Variants in STK24 observed in about 807,000 individuals in gnomAD.
STK24 encodes the protein serine/threonine-protein kinase 24.
A neutral mutation model predicts 55.6 loss-of-function variants in STK24; 21 were observed. The observed-to-expected ratio is 0.38, with a 90% CI of 0.27 to 0.54. The LOEUF is 0.54. STK24 is among the 20% of genes least tolerant of loss of function. STK24 has a pLI of 0.79. For missense variants in STK24, 383 were observed against 538.4 expected, an observed-to-expected ratio of 0.71 and a Z score of 2.86; for synonymous variants, 200 against 215.2, an observed-to-expected ratio of 0.93 and a Z score of 0.62.
chr13:98,473,414 T>C (rs1894234364), intron 5 of STK24, among the ~76,000 whole-genome samples: 1 of 150,562 alleles, frequency 6.6e-6, no homozygotes, highest in African/African-American at 2.5e-5. Flanking sequence ...GGTTCTAGTC[T>C]CAGCCTTGCC....
At chr13:98,456,249 TA>T in intron 10 of STK24, 1 of 337,884 alleles carries the variant, frequency 3.0e-6, no homozygotes, top group South Asian at 2.2e-5. Flanking sequence ...CACTTCCAAA[TA>T]GCAAAAGGGA....
At chr13:98,575,068 A>C (rs1447442176) in intron 1 of STK24, among the ~76,000 whole-genome samples, 1 of 152,136 alleles carries the variant, frequency 6.6e-6, no homozygotes, top group African/African-American at 2.4e-5. Context: ...TATTGATAAA[A>C]CTTTTTTTTT....
At chr13:98,482,624 A>G (rs1458493256) in intron 2 of STK24, among the ~76,000 whole-genome samples, 1 of 152,132 alleles carries the variant, frequency 6.6e-6, no homozygotes, top group Non-Finnish European at 1.5e-5. Flanking sequence ...GGGTGTTTCC[A>G]TTTTTAGGCC....
At chr13:98,495,115 A>G (rs1895198802) in intron 2 of STK24, among the ~76,000 whole-genome samples, 1 of 152,240 alleles carries the variant, frequency 6.6e-6, no homozygotes, top group African/African-American at 2.4e-5. Flanking sequence ...AAGATTCAAG[A>G]AAGGGGCCTG....
At chr13:98,476,220 C>CACT (rs1894364999) in intron 3 of STK24, among the ~76,000 whole-genome samples, 2 of 149,994 alleles carry the variant, frequency 1.3e-5, no homozygotes, top group Non-Finnish European at 2.9e-5. Flanking sequence ...AACAAAGGCT[C>CACT]ACTTCAAACC....
chr13:98,556,693 C>T (rs1897296047), intron 1 of STK24, among the ~76,000 whole-genome samples: 2 of 152,172 alleles, frequency 1.3e-5, no homozygotes, highest in African/African-American at 4.8e-5. Flanking sequence ...TGAAAGTCTG[C>T]TGGGTTTAAC....
In STK24 at chr13:98,447,055, T is replaced by C; in HGVS notation, c.*6118A>G. The C allele has an allele frequency of 1.4e-5, 7 of 488,850 alleles. No homozygotes were observed. Among genetic ancestry groups the C allele is most frequent in the South Asian group, 2.5e-5 (1 of 39,358 alleles). The allele number at this position is 488,850 out of a possible 1,614,324, so 30.3% of individuals were successfully genotyped here. ...GGTGTTGGCTGAGGCCCTAGACATC[T>C]TGCTTGGAGATCTCTGACATAACGT... On this transcript the variant is annotated 3_prime_UTR_variant, in exon 11 of 11. Coordinates refer to ENST00000539966, the MANE Select transcript of STK24 (RefSeq NM_001032296.4).
At chr13:98,567,953 TG>T in intron 1 of STK24, among the ~76,000 whole-genome samples, 2 of 75,404 alleles carry the variant, frequency 2.7e-5, no homozygotes, top group Admixed American at 1.4e-4. Context: ...AGGGGGGGGG[TG>T]GGGAGTAGAG....
chr13:98,509,060 A>G (rs191154335), intron 2 of STK24: 3 of 152,210 alleles, frequency 2.0e-5, no homozygotes, highest in East Asian at 3.8e-4. Context: ...ACAATACTTC[A>G]TAAGCCTAAT....
intron 1 of STK24, among the ~76,000 whole-genome samples, chr13:98,540,990 C>T (rs1896873486): frequency 6.6e-6 from 1 of 152,136 alleles, no homozygotes; most frequent in Non-Finnish European, 1.5e-5. Context: ...ACTCCCCAAA[C>T]CTCTGTGATT....
In STK24 at chr13:98,518,021, T is replaced by TA. The variant is rs754066159; in HGVS notation, c.273+1221dup. ...TGCAAATGAGAAAGTGGAGAAGTTA[T>TA]AAAAAATAATGAAAACTCACTCAAG... is the stretch of plus-strand genomic sequence containing the variant. On this transcript the variant is annotated intron_variant, in intron 2 of 10. Transcript: ENST00000539966. Among the ~76,000 whole-genome samples the TA allele has an allele frequency of 4.2e-4, 64 of 152,288 alleles. 1 individual carries two copies. Among genetic ancestry groups the TA allele is most frequent in the Middle Eastern group, 6.8e-3 (2 of 294 alleles).
At position 98,446,865 on chromosome 13, in the gene STK24, T is replaced by C. The variant is rs1341014435; in HGVS notation, c.*6308A>G. 6.3e-7 allele frequency: 1 copy of C among 1,595,600 alleles called. No homozygotes were observed. Among genetic ancestry groups the C allele is most frequent in the Admixed American group, 1.7e-5 (1 of 59,488 alleles). On this transcript the variant is annotated 3_prime_UTR_variant, in exon 11 of 11. Coordinates refer to ENST00000539966, the MANE Select transcript of STK24 (RefSeq NM_001032296.4). ...CAGGGCCCTGCAGAAGAGGACCCCC[T>C]CTTCCAAACATCAGGATTTCTCCCA...
At chr13:98,524,558 T>C (rs1288263718) in intron 1 of STK24, among the ~76,000 whole-genome samples, 1 of 152,210 alleles carries the variant, frequency 6.6e-6, no homozygotes, top group Non-Finnish European at 1.5e-5. Flanking sequence ...GCCACACGAA[T>C]GCACCTCAGC....
At chr13:98,519,496 AG>A (rs1325498454) in intron 1 of STK24, 23 bp from the exon 2 acceptor site, 1 of 1,600,920 alleles carries the variant, frequency 6.2e-7, no homozygotes. Flanking sequence ...GGAAGAGAAA[AG>A]GGAAACTTTA....
intron 1 of STK24, among the ~76,000 whole-genome samples, chr13:98,522,807 A>C (rs1167030576): frequency 2.0e-5 from 3 of 151,882 alleles, no homozygotes; most frequent in Non-Finnish European, 4.4e-5. Flanking sequence ...CAATAAGAAA[A>C]CCCCAGACTC....
chr13:98,448,059 T>C lies in STK24; in HGVS notation c.*5114A>G. 1 of 628,062 alleles carries C rather than the reference T, an allele frequency of 1.6e-6. No individual in the cohort carries two copies. The highest frequency in any genetic ancestry group is 1.9e-5 in the South Asian group (1 of 53,626). 38.9% of individuals were successfully genotyped at this position (628,062 alleles called of 1,614,324 possible). On this transcript the variant is annotated 3_prime_UTR_variant, in exon 11 of 11. Transcript: ENST00000539966. ...CTGAGTGAGTGCCCAGGCCAGTGGG[T>C]CTCCACTGTACCTCAGGAACGCCTG...
intron 5 of STK24, among the ~76,000 whole-genome samples, chr13:98,473,705 A>G (rs949383280): frequency 2.0e-5 from 3 of 152,190 alleles, no homozygotes; most frequent in African/African-American, 7.2e-5. Flanking sequence ...GAGGCTGTCA[A>G]GGCCATCATA....
chr13:98,520,574 G>A lies in STK24; in HGVS notation c.43-1101C>T, dbSNP rs182563409. Among the ~76,000 whole-genome samples the A allele has an allele frequency of 1.3e-3, 201 of 152,346 alleles. 2 individuals are homozygous for A. The highest frequency in any genetic ancestry group is 2.6e-3 in the Admixed American group (40 of 15,310). ...GAAAGAGAATGAGGAGAAGAAAGAT[G>A]ACACAGAAGAGGGTATCCAGAGTGG... On this transcript the variant is annotated intron_variant, in intron 1 of 10. Coordinates refer to ENST00000539966, the MANE Select transcript of STK24 (RefSeq NM_001032296.4).
chr13:98,546,000 G>A (rs780246536), intron 1 of STK24, among the ~76,000 whole-genome samples: 20 of 152,218 alleles, frequency 1.3e-4, no homozygotes, highest in Non-Finnish European at 2.5e-4. Flanking sequence ...AATTGCTTAA[G>A]ATCTGAATAT....
Sources: allele counts gnomAD v4.1 joint callset (sites outside exome capture counted in the v4.1 genomes callset), GRCh38; gene constraint gnomAD v4.1.1; transcripts MANE v1.5; gene names NCBI Gene and HGNC (gene_info 2026-07-23, HGNC 2026-07-21).